Variants in PTN observed in about 807,000 individuals in gnomAD.
The protein encoded by PTN is heparin affin regulatory protein.
Under a neutral mutation model 24.1 loss-of-function variants are expected in PTN, and 18 were observed. The observed-to-expected ratio is 0.75, with a 90% CI of 0.52 to 1.11. The LOEUF (loss-of-function observed/expected upper bound fraction) is 1.11, where lower values mean the gene tolerates loss of function less well. Among genes scored for constraint, PTN ranks in the 50% least tolerant of loss-of-function variants. The probability of loss-of-function intolerance (pLI) is 0.00; values close to 1 mark genes in which losing one functional copy is unlikely to be tolerated. For missense variants in PTN, 163 were observed against 198.8 expected, an observed-to-expected ratio of 0.82 and a Z score of 1.08; for synonymous variants, 78 against 68.6, an observed-to-expected ratio of 1.14 and a Z score of -0.67.
intron 1 of PTN, among the ~76,000 whole-genome samples, chr7:137,279,312 G>T (rs961914760): frequency 6.6e-6 from 1 of 152,046 alleles, no homozygotes; most frequent in Admixed American, 6.5e-5. Flanking sequence ...GAGAAAAATC[G>T]CATGGTCATC....
intron 3 of PTN, among the ~76,000 whole-genome samples, chr7:137,251,887 AGTATTCCATGGTCCCAAT>A (rs1220329534): frequency 1.3e-5 from 2 of 151,876 alleles, no homozygotes; most frequent in Non-Finnish European, 2.9e-5. Context: ...ATTGCTGAGT[AGTATTCCATGGTCCCAAT>A]GTACCCCAGT....
intron 1 of PTN, among the ~76,000 whole-genome samples, chr7:137,294,862 T>C (rs1392311925): frequency 6.6e-6 from 1 of 152,170 alleles, no homozygotes; most frequent in Non-Finnish European, 1.5e-5. Flanking sequence ...ATCACTGCTG[T>C]TTTGCTTTTC....
intron 1 of PTN, among the ~76,000 whole-genome samples, chr7:137,341,634 C>T (rs1810535940): frequency 6.6e-6 from 1 of 152,082 alleles, no homozygotes; most frequent in African/African-American, 2.4e-5. Context: ...AATGCATTTG[C>T]ATCCAGAAGC....
intron 1 of PTN, among the ~76,000 whole-genome samples, chr7:137,280,395 G>C (rs1809447343): frequency 6.6e-6 from 1 of 151,918 alleles, no homozygotes; most frequent in Non-Finnish European, 1.5e-5. Context: ...TGAGTAAGTA[G>C]GAGGATTTAG....
chr7:137,324,433 A>AAAAAAAAAAAAAAAATATATATAT, intron 1 of PTN, among the ~76,000 whole-genome samples: 1 of 88,758 alleles, frequency 1.1e-5, no homozygotes, highest in African/African-American at 6.9e-5. Context: ...AAAAAAAAAA[A>AAAAAAAAAAAAAAAATATATATAT]ATATATATAT....
intron 4 of PTN, among the ~76,000 whole-genome samples, chr7:137,236,795 T>C (rs1329730068): frequency 6.6e-6 from 1 of 152,264 alleles, no homozygotes; most frequent in East Asian, 1.9e-4. Flanking sequence ...AGAAATGAAA[T>C]GTAGTATTAT....
At chr7:137,240,834 G>A (rs1808615999) in intron 4 of PTN, among the ~76,000 whole-genome samples, 1 of 152,200 alleles carries the variant, frequency 6.6e-6, no homozygotes, top group East Asian at 1.9e-4. Context: ...AGCTGTGCAT[G>A]CTGCAGGAGC....
At position 137,227,953 on chromosome 7, in the gene PTN, A is replaced by G. The variant is rs1043829103; in HGVS notation, c.*67T>C. 1.9e-6 allele frequency: 3 copies of G among 1,582,062 alleles called. No individual in the cohort carries two copies. The highest frequency in any genetic ancestry group is 2.6e-6 in the Non-Finnish European group (3 of 1,167,598). On this transcript the variant is annotated 3_prime_UTR_variant, in exon 5 of 5. Transcript: ENST00000348225. ...TTTTTGAATACAAAGCCTACGGTAC[A>G]TATAAATGCAATAGTTAACTGATCC...
intron 1 of PTN, among the ~76,000 whole-genome samples, chr7:137,305,966 G>A (rs892486799): frequency 6.6e-6 from 1 of 152,028 alleles, no homozygotes; most frequent in African/African-American, 2.4e-5. Flanking sequence ...GTGAGTGCCC[G>A]CTCCCTGCGC....
chr7:137,332,819 A>G (rs1198112855), intron 1 of PTN, among the ~76,000 whole-genome samples: 1 of 152,174 alleles, frequency 6.6e-6, no homozygotes, highest in Admixed American at 6.5e-5. Flanking sequence ...AATTAAGGCC[A>G]CCATATGTTA....
rs746969222 is a variant in PTN, at chr7:137,227,767, T to C, written c.*253A>G. 17 of 325,964 alleles carry C rather than the reference T, an allele frequency of 5.2e-5. No homozygotes were observed. Among genetic ancestry groups the C allele is most frequent in the Non-Finnish European group, 9.4e-5 (17 of 181,496 alleles). 20.2% of individuals were successfully genotyped at this position (325,964 alleles called of 1,614,324 possible). A position where few individuals can be genotyped will look rare whatever the true frequency, so the allele number is the denominator to read the frequency against. ...CATAATTTCAAAAAACTTACCTCAA[T>C]TGTCTATCATTTATCATGTACTATA... On this transcript the variant is annotated 3_prime_UTR_variant, in exon 5 of 5. Coordinates refer to ENST00000348225, the MANE Select transcript of PTN (RefSeq NM_002825.7).
intron 4 of PTN, among the ~76,000 whole-genome samples, chr7:137,237,696 T>G (rs1174870780): frequency 6.6e-6 from 1 of 152,074 alleles, no homozygotes; most frequent in Non-Finnish European, 1.5e-5. Context: ...TGTAAGCAGG[T>G]GAGCTATTCC....
At chr7:137,308,182 A>G (rs1342045719) in intron 1 of PTN, among the ~76,000 whole-genome samples, 1 of 152,080 alleles carries the variant, frequency 6.6e-6, no homozygotes, top group Non-Finnish European at 1.5e-5. Context: ...ATTGTTTATT[A>G]TCTTTTTAAA....
chr7:137,238,308 G>A (rs1216086873), intron 4 of PTN, among the ~76,000 whole-genome samples: 1 of 152,136 alleles, frequency 6.6e-6, no homozygotes, highest in East Asian at 1.9e-4. Flanking sequence ...TCCAGGCCAG[G>A]GCCCAGCCTG....
At chr7:137,292,318 C>A (rs919303586) in intron 1 of PTN, among the ~76,000 whole-genome samples, 25 of 152,264 alleles carry the variant, frequency 1.6e-4, no homozygotes, top group African/African-American at 6.0e-4. Flanking sequence ...TGTCCCCACA[C>A]AAATCTCACC....
chr7:137,249,840 T>C (rs1808792024), intron 4 of PTN, among the ~76,000 whole-genome samples: 1 of 152,116 alleles, frequency 6.6e-6, no homozygotes, highest in African/African-American at 2.4e-5. Context: ...GCCTGAACCC[T>C]AGACTCACCA....
chr7:137,257,515 T>A (rs1233672195), intron 1 of PTN, among the ~76,000 whole-genome samples: 1 of 152,218 alleles, frequency 6.6e-6, no homozygotes, highest in African/African-American at 2.4e-5. Flanking sequence ...ATATCTTTCA[T>A]AATGTACTCA....
chr7:137,249,516 A>T (rs1187193492), intron 4 of PTN, among the ~76,000 whole-genome samples: 1 of 152,196 alleles, frequency 6.6e-6, no homozygotes, highest in Admixed American at 6.5e-5. Flanking sequence ...CAGGTTGAGC[A>T]TCACTGTGCT....
intron 1 of PTN, among the ~76,000 whole-genome samples, chr7:137,327,295 T>C (rs1810278881): frequency 1.3e-5 from 2 of 152,216 alleles, no homozygotes; most frequent in East Asian, 1.9e-4. Context: ...TAACTTGATA[T>C]AATTCAGGCA....
Sources: gnomAD v4.1 joint callset for allele counts (sites outside exome capture counted in the v4.1 genomes callset) on GRCh38, gnomAD v4.1.1 for gene constraint, MANE v1.5 for transcripts, NCBI Gene and HGNC (gene_info 2026-07-23, HGNC 2026-07-21) for gene names.